The following HPSE2 variants were observed in gnomAD, a reference collection of about 807,000 sequenced individuals.
The protein encoded by HPSE2 is heparanase 2 (inactive).
In HPSE2, 38 loss-of-function variants were observed where a neutral mutation model predicts 60.5. The observed-to-expected ratio is 0.63, with a 90% confidence interval of 0.48 to 0.82. The LOEUF (loss-of-function observed/expected upper bound fraction) is 0.82. Ranked by LOEUF, HPSE2 falls within the 40% of genes least tolerant of loss-of-function variation. The probability of loss-of-function intolerance (pLI) is 0.00; values close to 1 mark genes in which losing one functional copy is unlikely to be tolerated. For missense variants in HPSE2, 713 were observed against 740.4 expected, an observed-to-expected ratio of 0.96 and a Z score of 0.43; for synonymous variants, 295 against 293.2, an observed-to-expected ratio of 1.01 and a Z score of -0.06.
intron 3 of HPSE2, among the ~76,000 whole-genome samples, chr10:99,119,093 G>A (rs11189977): frequency 0.012 from 1,643 of 134,036 alleles, 42 homozygotes; most frequent in Middle Eastern, 0.05. Flanking sequence ...AAGAAAGAGA[G>A]AGAGAGGGAG....
At chr10:99,018,244 G>C (rs1042844758) in intron 3 of HPSE2, among the ~76,000 whole-genome samples, 1 of 152,206 alleles carries the variant, frequency 6.6e-6, no homozygotes, top group African/African-American at 2.4e-5. Context: ...TTGACCACAT[G>C]ATCTTTGTGG....
intron 9 of HPSE2, among the ~76,000 whole-genome samples, chr10:98,601,166 A>C (rs990722753): frequency 4.0e-5 from 6 of 151,896 alleles, no homozygotes; most frequent in African/African-American, 1.4e-4. Context: ...TCTTTTCTCT[A>C]TCAAGGTCTT....
intron 9 of HPSE2, among the ~76,000 whole-genome samples, chr10:98,593,264 A>G (rs1179192829): frequency 3.9e-5 from 6 of 152,194 alleles, no homozygotes; most frequent in African/African-American, 1.4e-4. Flanking sequence ...ATATGGCTGC[A>G]CTTAGGAATT....
chr10:98,506,242 A>G (rs1942195517), intron 9 of HPSE2, among the ~76,000 whole-genome samples: 1 of 152,226 alleles, frequency 6.6e-6, no homozygotes. Context: ...AAATGGTCCT[A>G]GATCTTTTAT....
At chr10:98,504,194 C>T (rs1186808061) in intron 9 of HPSE2, among the ~76,000 whole-genome samples, 1 of 152,104 alleles carries the variant, frequency 6.6e-6, no homozygotes, top group East Asian at 1.9e-4. Context: ...ATTTTTTAAA[C>T]ATTTTGTTTT....
chr10:99,246,420 G>C, the HPSE2 span, among the ~76,000 whole-genome samples: 1 of 152,234 alleles, frequency 6.6e-6, no homozygotes, highest in Admixed American at 6.5e-5. Context: ...GTGGTGAAAG[G>C]TGCTGTGGAG....
chr10:98,876,001 T>A (rs1002254045), intron 3 of HPSE2, among the ~76,000 whole-genome samples: 1 of 151,946 alleles, frequency 6.6e-6, no homozygotes, highest in Non-Finnish European at 1.5e-5. Context: ...ATTTCTTGGG[T>A]AGGTTTCTTC....
chr10:99,220,586 T>C (rs1231505936), intron 2 of HPSE2, among the ~76,000 whole-genome samples: 1 of 152,006 alleles, frequency 6.6e-6, no homozygotes, highest in Non-Finnish European at 1.5e-5. Context: ...GGGCGGATCA[T>C]GAGCTCAAGA....
intron 7 of HPSE2, among the ~76,000 whole-genome samples, chr10:98,636,750 A>C (rs1946512061): frequency 2.0e-5 from 3 of 152,208 alleles, no homozygotes; most frequent in Admixed American, 1.3e-4. Flanking sequence ...ACTTTTGGAA[A>C]CACTTCCTTT....
chr10:99,186,154 A>AC (rs1589795210), intron 2 of HPSE2, among the ~76,000 whole-genome samples: 12 of 149,608 alleles, frequency 8.0e-5, no homozygotes, highest in South Asian at 2.1e-4. Context: ...ACACACACAC[A>AC]AGGCATATCA....
chr10:98,919,469 C>G (rs1265344695), intron 3 of HPSE2, among the ~76,000 whole-genome samples: 2 of 151,870 alleles, frequency 1.3e-5, no homozygotes, highest in African/African-American at 4.8e-5. Context: ...TAAACCGCGA[C>G]AAGATTAGAG....
the HPSE2 span, among the ~76,000 whole-genome samples, chr10:99,275,216 C>T: frequency 6.6e-6 from 1 of 152,160 alleles, no homozygotes; most frequent in Non-Finnish European, 1.5e-5. Context: ...TTGCATTCAG[C>T]TTCTAATTTT....
intron 3 of HPSE2, among the ~76,000 whole-genome samples, chr10:98,943,513 T>C (rs1372803147): frequency 6.6e-6 from 1 of 152,058 alleles, no homozygotes; most frequent in Non-Finnish European, 1.5e-5. Flanking sequence ...CCCTGTGTAG[T>C]ACCCCCCACA....
intron 3 of HPSE2, among the ~76,000 whole-genome samples, chr10:99,012,330 C>T (rs530681995): frequency 6.6e-6 from 1 of 152,134 alleles, no homozygotes; most frequent in East Asian, 1.9e-4. Context: ...AATACTAAGC[C>T]AAGAATCTGA....
chr10:99,155,894 A>G (rs1354149676), intron 2 of HPSE2, among the ~76,000 whole-genome samples: 41 of 151,670 alleles, frequency 2.7e-4, no homozygotes, highest in African/African-American at 6.0e-4. Flanking sequence ...TCAAATAGAC[A>G]CAATAAAAAA....
intron 9 of HPSE2, among the ~76,000 whole-genome samples, chr10:98,522,919 C>T (rs1942845508): frequency 1.3e-5 from 2 of 152,214 alleles, no homozygotes; most frequent in African/African-American, 4.8e-5. Context: ...CAAGCCCACA[C>T]TGCCAAACTG....
chr10:98,467,266 C>T (rs1001054755), intron 11 of HPSE2, among the ~76,000 whole-genome samples: 1 of 152,300 alleles, frequency 6.6e-6, no homozygotes, highest in East Asian at 1.9e-4. Context: ...GTGTCTTACT[C>T]ATCCGTCACT....
intron 3 of HPSE2, among the ~76,000 whole-genome samples, chr10:98,939,391 T>C (rs1383972553): frequency 2.8e-5 from 4 of 143,288 alleles, no homozygotes; most frequent in Non-Finnish European, 6.0e-5. Flanking sequence ...GAGGAAGATC[T>C]ACCAAGCAAA....
At chr10:99,200,491 T>C (rs1409376982) in intron 2 of HPSE2, among the ~76,000 whole-genome samples, 1 of 152,124 alleles carries the variant, frequency 6.6e-6, no homozygotes, top group Non-Finnish European at 1.5e-5. Flanking sequence ...CTGACATTTA[T>C]TAGCAGTACA....
Sources: gnomAD v4.1 joint callset for allele counts (sites outside exome capture counted in the v4.1 genomes callset) on GRCh38, gnomAD v4.1.1 for gene constraint, MANE v1.5 for transcripts, NCBI Gene and HGNC (gene_info 2026-07-23, HGNC 2026-07-21) for gene names.